PDE4D: variants seen among roughly 807,000 people sequenced by gnomAD.
The protein encoded by PDE4D is phosphodiesterase 4D.
Under a neutral mutation model 87.4 loss-of-function variants are expected in PDE4D, and 24 were observed. The observed-to-expected ratio is 0.27, with a 90% CI of 0.20 to 0.39. The LOEUF is 0.39. Among genes scored for constraint, PDE4D ranks in the 10% least tolerant of loss-of-function variants. The probability of loss-of-function intolerance (pLI) is 1.00; values close to 1 mark genes in which losing one functional copy is unlikely to be tolerated. For synonymous variants in PDE4D, 384 were observed against 383.2 expected (o/e 1.00, Z -0.02); for missense variants, 714 against 1,041.0 (o/e 0.69, Z 4.32).
intron 2 of PDE4D, among the ~76,000 whole-genome samples, chr5:60,034,897 C>T (rs1353554310): frequency 6.6e-6 from 1 of 152,130 alleles, no homozygotes; most frequent in Non-Finnish European, 1.5e-5. Flanking sequence ...GCCCTCATTG[C>T]TGTACAACTC....
intron 5 of PDE4D, among the ~76,000 whole-genome samples, chr5:59,093,581 C>T (rs1172265426): frequency 6.6e-6 from 1 of 152,232 alleles, no homozygotes; most frequent in African/African-American, 2.4e-5. Context: ...TCAAAGAACA[C>T]ACCGGCTTTG....
intron 2 of PDE4D, among the ~76,000 whole-genome samples, chr5:59,993,448 G>T (rs1763210474): frequency 6.6e-6 from 1 of 152,134 alleles, no homozygotes; most frequent in African/African-American, 2.4e-5. Flanking sequence ...CTATGAGGCT[G>T]TTAAAATAAT....
At chr5:60,308,022 C>G (rs1754659941) in intron 1 of PDE4D, among the ~76,000 whole-genome samples, 1 of 152,076 alleles carries the variant, frequency 6.6e-6, no homozygotes, top group African/African-American at 2.4e-5. Context: ...GCCTGGGCAA[C>G]AAGAGCAAAA....
intron 2 of PDE4D, among the ~76,000 whole-genome samples, chr5:60,141,125 C>T (rs1189744996): frequency 6.6e-6 from 1 of 152,010 alleles, no homozygotes; most frequent in Admixed American, 6.6e-5. Flanking sequence ...GGAAAATTGG[C>T]CCCCCTATTT....
At chr5:59,206,263 C>T (rs1310981510) in intron 2 of PDE4D, among the ~76,000 whole-genome samples, 1 of 152,134 alleles carries the variant, frequency 6.6e-6, no homozygotes, top group Non-Finnish European at 1.5e-5. Flanking sequence ...GTTGATATTC[C>T]TTACTTGGTT....
chr5:60,249,980 C>A (rs865940717), intron 1 of PDE4D, among the ~76,000 whole-genome samples: 7 of 151,990 alleles, frequency 4.6e-5, no homozygotes, highest in Middle Eastern at 6.8e-3. Context: ...ACTAATATGA[C>A]CTTTTCTTGA....
At chr5:60,366,772 C>G (rs1423248) in intron 1 of PDE4D, among the ~76,000 whole-genome samples, 19,737 of 152,284 alleles carry the variant, frequency 0.13, 1,358 homozygotes, top group South Asian at 0.29. Context: ...TAGTTGCAGC[C>G]GTACAGCCCT....
intron 4 of PDE4D, among the ~76,000 whole-genome samples, chr5:59,182,300 C>T (rs1196825597): frequency 6.6e-6 from 1 of 151,350 alleles, no homozygotes; most frequent in East Asian, 1.9e-4. Flanking sequence ...CTCTGTTGCT[C>T]AGGCTGGAGT....
At chr5:60,345,566 C>CAA (rs529743142) in intron 1 of PDE4D, among the ~76,000 whole-genome samples, 10 of 124,498 alleles carry the variant, frequency 8.0e-5, no homozygotes, top group East Asian at 2.4e-4. Flanking sequence ...CTTCCCTCTC[C>CAA]AAAAAAAAAA....
intron 1 of PDE4D, among the ~76,000 whole-genome samples, chr5:59,555,278 G>A (rs1049317266): frequency 2.6e-5 from 4 of 152,142 alleles, no homozygotes; most frequent in African/African-American, 4.8e-5. Flanking sequence ...GCTCTCACTT[G>A]TAAGTGGGAG....
intron 2 of PDE4D, among the ~76,000 whole-genome samples, chr5:60,170,481 T>G (rs1286349347): frequency 6.6e-6 from 1 of 152,040 alleles, no homozygotes; most frequent in African/African-American, 2.4e-5. Context: ...AAAAGTGTTT[T>G]CTTGTCTACA....
intron 1 of PDE4D, among the ~76,000 whole-genome samples, chr5:59,318,397 A>C (rs1176691526): frequency 6.6e-6 from 1 of 152,136 alleles, no homozygotes; most frequent in Non-Finnish European, 1.5e-5. Context: ...AGGATATGAG[A>C]CTGAATTAGT....
rs565065543 is a variant in PDE4D, at chr5:59,431,874, T to G, written c.456-215906A>C. Among the ~76,000 whole-genome samples, 8 of 152,212 alleles carry G rather than the reference T, an allele frequency of 5.3e-5. No individual in the cohort carries two copies. The East Asian group carries it at 1.5e-3, about 29-fold the overall frequency. On this transcript the variant is annotated intron_variant, in intron 1 of 14. Coordinates refer to ENST00000340635, the MANE Select transcript of PDE4D (RefSeq NM_001104631.2). ...TCTCCCACTTGTAAGTGAGATCATG[T>G]GGCATTTGGTTTTCTGTTCTTGTGT... is the stretch of plus-strand genomic sequence containing the variant.
chr5:59,561,678 C>G (rs1820015386), intron 1 of PDE4D, among the ~76,000 whole-genome samples: 1 of 152,036 alleles, frequency 6.6e-6, no homozygotes, highest in South Asian at 2.1e-4. Flanking sequence ...GCCTGTAATT[C>G]CAGCACTTTG....
At chr5:60,450,481 AGG>A (rs1746014874) in intron 1 of PDE4D, among the ~76,000 whole-genome samples, 1 of 152,122 alleles carries the variant, frequency 6.6e-6, no homozygotes, top group African/African-American at 2.4e-5. Flanking sequence ...TGGAGAAGGG[AGG>A]GACAAAAGGG....
At chr5:59,216,251 AT>A (rs1243329908) in intron 1 of PDE4D, among the ~76,000 whole-genome samples, 1 of 152,172 alleles carries the variant, frequency 6.6e-6, no homozygotes, top group Non-Finnish European at 1.5e-5. Context: ...GCAAAACATA[AT>A]CTTCTAAGTA....
chr5:59,925,455 AG>A (rs1254313703), intron 3 of PDE4D, among the ~76,000 whole-genome samples: 3 of 152,154 alleles, frequency 2.0e-5, no homozygotes, highest in African/African-American at 7.2e-5. Context: ...AAGGAAGGAA[AG>A]AAGAAAGAAG....
At chr5:59,755,494 A>C (rs1251959352) in intron 1 of PDE4D, among the ~76,000 whole-genome samples, 1 of 152,194 alleles carries the variant, frequency 6.6e-6, no homozygotes, top group African/African-American at 2.4e-5. Flanking sequence ...TTCAAGAATG[A>C]TCAATGTGTT....
At chr5:59,027,689 T>C (rs998011008) in intron 6 of PDE4D, among the ~76,000 whole-genome samples, 11 of 152,164 alleles carry the variant, frequency 7.2e-5, no homozygotes, top group African/African-American at 2.7e-4. Flanking sequence ...CCCACGGGTG[T>C]AGGGTTCCAT....
Sources: gnomAD v4.1 joint callset for allele counts (sites outside exome capture counted in the v4.1 genomes callset) on GRCh38, gnomAD v4.1.1 for gene constraint, MANE v1.5 for transcripts, NCBI Gene and HGNC (gene_info 2026-07-23, HGNC 2026-07-21) for gene names.